The following COG4 variants were observed in gnomAD, a reference collection of about 807,000 sequenced individuals.
COG4 encodes the protein component of oligomeric golgi complex 4.
A neutral mutation model predicts 95.1 loss-of-function variants in COG4; 65 were observed. The observed-to-expected ratio is 0.68, with a 90% CI of 0.56 to 0.84. The LOEUF is 0.84. Among genes scored for constraint, COG4 ranks in the 40% least tolerant of loss-of-function variants. The pLI, the probability that COG4 is intolerant of heterozygous loss-of-function variation, is 0.00. For synonymous variants in COG4, 421 were observed against 374.8 expected, an observed-to-expected ratio of 1.12 and a Z score of -1.42; for missense variants, 1,045 against 989.1, an observed-to-expected ratio of 1.06 and a Z score of -0.76.
At chr16:70,505,209 T>C (rs1396660235) in intron 8 of COG4, among the ~76,000 whole-genome samples, 1 of 149,328 alleles carries the variant, frequency 6.7e-6, no homozygotes, top group Non-Finnish European at 1.5e-5. Context: ...TTTTTTTTTT[T>C]TTTTTTGAGA....
chr16:70,499,665 A>AT (rs2049407869), intron 9 of COG4, among the ~76,000 whole-genome samples: 1 of 152,036 alleles, frequency 6.6e-6, no homozygotes, highest in Admixed American at 6.6e-5. Flanking sequence ...CTTTTAAACA[A>AT]TTTATTTATT....
At chr16:70,488,923 C>T (rs1046484808) in intron 13 of COG4, among the ~76,000 whole-genome samples, 25 of 152,178 alleles carry the variant, frequency 1.6e-4, no homozygotes, top group Admixed American at 2.6e-4. Context: ...CTAAGTGGTT[C>T]ATATTACCAC....
intron 12 of COG4, 146 bp downstream of exon 12, chr16:70,496,120 G>A (rs2049334191): frequency 1.2e-6 from 1 of 852,018 alleles, no homozygotes; most frequent in Non-Finnish European, 1.9e-6. Context: ...CTTCTGGGAG[G>A]AAATTCCCTT....
At chr16:70,483,422 G>A (rs149457768) in intron 14 of COG4, among the ~76,000 whole-genome samples, 24 of 151,282 alleles carry the variant, frequency 1.6e-4, no homozygotes, top group African/African-American at 5.8e-4. Context: ...AATGAAAGGA[G>A]GAGCCAGGAA....
intron 12 of COG4, among the ~76,000 whole-genome samples, chr16:70,493,204 C>T (rs1281741899): frequency 2.0e-5 from 3 of 152,116 alleles, no homozygotes; most frequent in Non-Finnish European, 4.4e-5. Context: ...CTTAATGGTC[C>T]TTAGGATTTC....
intron 9 of COG4, among the ~76,000 whole-genome samples, chr16:70,498,491 G>A (rs1326868768): frequency 2.0e-5 from 3 of 152,070 alleles, no homozygotes; most frequent in African/African-American, 7.2e-5. Flanking sequence ...ACCACGCCCG[G>A]CAAATTTTGT....
At chr16:70,521,362 C>T (rs749257446) in intron 1 of COG4, among the ~76,000 whole-genome samples, 3 of 151,962 alleles carry the variant, frequency 2.0e-5, no homozygotes, top group East Asian at 1.9e-4. Flanking sequence ...GGATTATAGA[C>T]GCCCACCATC....
At chr16:70,490,431 CTG>C (rs2049221378) in intron 12 of COG4, 39 bp from the exon 13 acceptor site, 2 of 1,551,502 alleles carry the variant, frequency 1.3e-6, no homozygotes, top group Non-Finnish European at 8.9e-7. Context: ...TTCCTGCTGA[CTG>C]TGCCTGCCAC....
chr16:70,522,163 A>G (rs1166448986), intron 1 of COG4, among the ~76,000 whole-genome samples: 1 of 151,586 alleles, frequency 6.6e-6, no homozygotes, highest in Non-Finnish European at 1.5e-5. Context: ...ACACCCGGCT[A>G]GTTTTGTATT....
At chr16:70,490,510 C>G in intron 12 of COG4, 118 bp from the exon 13 acceptor site, 1 of 818,214 alleles carries the variant, frequency 1.2e-6, no homozygotes, top group Non-Finnish European at 2.1e-6. Flanking sequence ...GGCTGGAGTT[C>G]AGACTTGCGC....
intron 8 of COG4, among the ~76,000 whole-genome samples, chr16:70,505,947 A>G (rs886964514): frequency 2.0e-5 from 3 of 150,990 alleles, no homozygotes; most frequent in African/African-American, 7.3e-5. Flanking sequence ...GGGGTTCAAG[A>G]CCATCCTGGG....
At chr16:70,485,077 A>C (rs554912504) in intron 13 of COG4, among the ~76,000 whole-genome samples, 3 of 152,122 alleles carry the variant, frequency 2.0e-5, no homozygotes, top group Admixed American at 2.0e-4. Context: ...CCATGGCAAT[A>C]AGTCAGGAAA....
At chr16:70,490,460 C>T in intron 12 of COG4, 68 bp from the exon 13 acceptor site, 1 of 1,287,732 alleles carries the variant, frequency 7.8e-7, no homozygotes, top group South Asian at 1.2e-5. Context: ...CAATGCCAGA[C>T]TGGCTGACAG....
intron 6 of COG4, 126 bp downstream of exon 6, chr16:70,509,786 CCAAT>C (rs2049659533): frequency 2.7e-6 from 2 of 737,120 alleles, no homozygotes; most frequent in Non-Finnish European, 2.4e-6. Flanking sequence ...ATTTAATTCT[CCAAT>C]CAATTAATAC....
chr16:70,515,932 G>C (rs1485774846), intron 3 of COG4: 1 of 453,168 alleles, frequency 2.2e-6, no homozygotes, highest in Non-Finnish European at 4.4e-6. Context: ...GTCTCCCAAA[G>C]TGTTAGGATT....
In COG4 at chr16:70,481,505, C is replaced by T. The variant is rs2151736985; in HGVS notation, c.2107-18G>A. 1 of 1,610,628 alleles carries T rather than the reference C, an allele frequency of 6.2e-7. No individual in the cohort carries two copies. Among genetic ancestry groups the T allele is most frequent in the South Asian group, 1.1e-5 (1 of 91,078 alleles). ...CCACCCAGCTGCAGGAGAACCCAAG[C>T]CCAGTCACTACTTAGGCCTGGCCAA... On this transcript the variant is annotated intron_variant, in intron 17 of 18. Transcript: ENST00000323786.
chr16:70,518,621 T>G (rs2049873100), intron 2 of COG4, among the ~76,000 whole-genome samples: 1 of 152,094 alleles, frequency 6.6e-6, no homozygotes, highest in African/African-American at 2.4e-5. Context: ...ATTACAAGCA[T>G]GAGCCACTAC....
At chr16:70,518,535 T>G (rs1242373679) in intron 2 of COG4, among the ~76,000 whole-genome samples, 1 of 152,052 alleles carries the variant, frequency 6.6e-6, no homozygotes, top group Non-Finnish European at 1.5e-5. Flanking sequence ...ATTTATTTAT[T>G]TATTTATTTT....
intron 2 of COG4, among the ~76,000 whole-genome samples, chr16:70,518,062 C>G (rs548336202): frequency 6.6e-6 from 1 of 152,200 alleles, no homozygotes; most frequent in Admixed American, 6.5e-5. Context: ...TCCTGAGTAG[C>G]TGGGACTACA....
Sources: gnomAD v4.1 joint callset for allele counts (sites outside exome capture counted in the v4.1 genomes callset) on GRCh38, gnomAD v4.1.1 for gene constraint, MANE v1.5 for transcripts, NCBI Gene and HGNC (gene_info 2026-07-23, HGNC 2026-07-21) for gene names.